Variants in MTMR2 observed in about 807,000 individuals in gnomAD.
MTMR2 encodes the protein myotubularin related protein 2, also known as phosphatidylinositol-3,5-bisphosphate 3-phosphatase MTMR2.
MTMR2 carries 55 observed loss-of-function variants against 86.9 expected under a neutral mutation model. The observed-to-expected ratio is 0.63, with a 90% CI of 0.51 to 0.79. MTMR2 has a LOEUF of 0.79. Among genes scored for constraint, MTMR2 ranks in the 30% least tolerant of loss-of-function variants. The pLI is 0.00. For missense variants in MTMR2, 659 were observed against 772.3 expected (o/e 0.85, Z 1.74); for synonymous variants, 241 against 266.8 (o/e 0.90, Z 0.94).
intron 2 of MTMR2, among the ~76,000 whole-genome samples, chr11:95,872,169 C>T (rs1417405407): frequency 3.9e-5 from 6 of 152,088 alleles, no homozygotes; most frequent in Non-Finnish European, 8.8e-5. Flanking sequence ...AAGTCATTGG[C>T]AGCTTGATGG....
At chr11:95,906,513 T>G (rs886950803) in intron 1 of MTMR2, among the ~76,000 whole-genome samples, 1 of 152,148 alleles carries the variant, frequency 6.6e-6, no homozygotes, top group Non-Finnish European at 1.5e-5. Flanking sequence ...ACGAAGATAT[T>G]CAAGAGCTAA....
intron 2 of MTMR2, among the ~76,000 whole-genome samples, chr11:95,884,492 T>C (rs1865447231): frequency 6.6e-6 from 1 of 152,104 alleles, no homozygotes. Flanking sequence ...AAAATAAGGG[T>C]AACAGCCAAC....
intron 2 of MTMR2, among the ~76,000 whole-genome samples, chr11:95,883,478 T>G (rs1276844757): frequency 3.3e-5 from 5 of 152,186 alleles, no homozygotes; most frequent in Non-Finnish European, 7.3e-5. Flanking sequence ...TTAAATAAGT[T>G]TTACTTCCAG....
At chr11:95,856,237 T>C (rs1011293686) in intron 7 of MTMR2, among the ~76,000 whole-genome samples, 4 of 2,410 alleles carry the variant, frequency 1.7e-3, no homozygotes, top group African/African-American at 7.5e-3. Context: ...CTGGAATGGC[T>C]AGGGGGACAC....
intron 1 of MTMR2, among the ~76,000 whole-genome samples, chr11:95,896,122 C>T (rs185079604): frequency 5.1e-4 from 78 of 152,152 alleles, no homozygotes; most frequent in African/African-American, 1.8e-3. Context: ...AGCCCCTCTG[C>T]AGGGAGCATG....
At chr11:95,898,922 T>C (rs968730825) in intron 1 of MTMR2, among the ~76,000 whole-genome samples, 1 of 152,116 alleles carries the variant, frequency 6.6e-6, no homozygotes, top group Non-Finnish European at 1.5e-5. Flanking sequence ...TTAAAGCAAC[T>C]GGAGAAGGCA....
chr11:95,896,280 T>C lies in MTMR2; in HGVS notation c.81-8019A>G, dbSNP rs866856736. Among the ~76,000 whole-genome samples the C allele has an allele frequency of 2.0e-5, 3 of 152,042 alleles. No homozygotes were observed. The South Asian group carries it at 6.2e-4, about 31-fold the overall frequency. On this transcript the variant is annotated intron_variant, in intron 1 of 14. Transcript: ENST00000346299. ...CTTACAACCAGTCTCTTCTTACGTATCTTTGCAAATGTTTGATTAATGATT... is the reference window on the plus strand; with the variant it reads ...CTTACAACCAGTCTCTTCTTACGTACCTTTGCAAATGTTTGATTAATGATT...
intron 1 of MTMR2, among the ~76,000 whole-genome samples, chr11:95,914,774 G>A (rs1866639478): frequency 6.6e-6 from 1 of 151,992 alleles, no homozygotes; most frequent in Non-Finnish European, 1.5e-5. Context: ...TCTGCACCTG[G>A]GGCACTAGAT....
At chr11:95,918,943 T>A (rs1382974929) in intron 1 of MTMR2, among the ~76,000 whole-genome samples, 1 of 152,204 alleles carries the variant, frequency 6.6e-6, no homozygotes, top group Non-Finnish European at 1.5e-5. Context: ...GCTCAGGTGA[T>A]CCTCTCACAC....
Position 95,845,136 on chromosome 11 carries a change from C to A in MTMR2, c.1203G>T (p.Arg401Ser). The A allele has an allele frequency of 6.2e-7, 1 of 1,613,814 alleles. No individual in the cohort carries two copies. Among genetic ancestry groups the A allele is most frequent in the Non-Finnish European group, 8.5e-7 (1 of 1,179,820 alleles). Residue 401 changes from arginine (R) to serine (S), a missense_variant, in exon 11 of 15, where the codon AGG becomes AGT. This residue lies in a region of MTMR2 where 387 missense variants were observed against 526.3 expected (regional missense o/e 0.74). Transcript: ENST00000346299. ...TCCCTGACTCTACCTTGTCAGCAAT[C>A]CTAAGAGCCCCTGCAAGAATAAGCT... Reference protein sequence around the residue: ...HIKLILAGALRIADKVESGKT... With the variant: ...HIKLILAGALSIADKVESGKT...
chr11:95,892,816 T>G (rs1274151360), intron 1 of MTMR2, among the ~76,000 whole-genome samples: 1 of 152,158 alleles, frequency 6.6e-6, no homozygotes, highest in Non-Finnish European at 1.5e-5. Flanking sequence ...GTGAATAAAC[T>G]CCCCTACATC....
chr11:95,879,174 T>A (rs1246918925), intron 2 of MTMR2, among the ~76,000 whole-genome samples: 1 of 151,914 alleles, frequency 6.6e-6, no homozygotes, highest in East Asian at 1.9e-4. Context: ...GAGGTAAAAA[T>A]GTGGGAGTCA....
At chr11:95,919,066 G>T (rs1261008921) in intron 1 of MTMR2, among the ~76,000 whole-genome samples, 2 of 152,116 alleles carry the variant, frequency 1.3e-5, no homozygotes, top group African/African-American at 4.8e-5. Flanking sequence ...GGAATTTCTG[G>T]ACTCAAGCAA....
intron 10 of MTMR2, 106 bp downstream of exon 10, chr11:95,847,608 T>G: frequency 2.0e-6 from 2 of 1,023,212 alleles, no homozygotes; most frequent in Non-Finnish European, 3.1e-6. Context: ...CCATTTTTCA[T>G]TGTTTAGAAA....
intron 1 of MTMR2, among the ~76,000 whole-genome samples, chr11:95,895,261 G>C (rs1217075180): frequency 6.6e-6 from 1 of 151,988 alleles, no homozygotes; most frequent in Non-Finnish European, 1.5e-5. Flanking sequence ...TTATAGGTCA[G>C]ATGGCCAAAT....
intron 1 of MTMR2, 76 bp downstream of exon 1, chr11:95,923,799 G>A: frequency 6.6e-7 from 1 of 1,513,528 alleles, no homozygotes; most frequent in Non-Finnish European, 8.9e-7. Flanking sequence ...CGCGAATTGG[G>A]GCAACAATCC....
At chr11:95,856,355 G>T (rs1300890156) in intron 7 of MTMR2, among the ~76,000 whole-genome samples, 2 of 151,228 alleles carry the variant, frequency 1.3e-5, no homozygotes, top group African/African-American at 2.4e-5. Context: ...TATTTAAAGG[G>T]GGGGAAGTGA....
At chr11:95,836,427 G>A in intron 13 of MTMR2, 103 bp from the exon 14 acceptor site, 1 of 1,132,278 alleles carries the variant, frequency 8.8e-7, no homozygotes, top group South Asian at 1.3e-5. Context: ...AATCTCTTTA[G>A]AGGAAGTGGA....
chr11:95,845,236 T>C (rs1243198272), intron 10 of MTMR2, 77 bp from the exon 11 acceptor site: 3 of 1,190,370 alleles, frequency 2.5e-6, no homozygotes, highest in Non-Finnish European at 1.2e-6. Flanking sequence ...TAATACAGCT[T>C]ATCAGGGATC....
Sources: gnomAD v4.1 joint callset for allele counts (sites outside exome capture counted in the v4.1 genomes callset) on GRCh38, gnomAD v4.1.1 for gene constraint, gnomAD v4.1.1 regional missense constraint, MANE v1.5 for transcripts, NCBI Gene and HGNC (gene_info 2026-07-23, HGNC 2026-07-21) for gene names.